Variants in PLAAT4 observed in about 807,000 individuals in gnomAD.
The protein encoded by PLAAT4 is phospholipase A and acyltransferase 4, also known as HRAS-like suppressor 4.
Under a neutral mutation model 14.1 loss-of-function variants are expected in PLAAT4, and 12 were observed. That is an observed-to-expected ratio of 0.85 (90% CI 0.54 to 1.37). The LOEUF (loss-of-function observed/expected upper bound fraction) is 1.37. Ranked by LOEUF, PLAAT4 falls within the 40% of genes most tolerant of loss-of-function variation. The pLI is 0.00. For missense variants in PLAAT4, 163 were observed against 211.7 expected (o/e 0.77, Z 1.43); for synonymous variants, 77 against 79.8 (o/e 0.96, Z 0.19).
chr11:63,541,900 C>CA (rs1435576192), intron 2 of PLAAT4, among the ~76,000 whole-genome samples: 2 of 151,988 alleles, frequency 1.3e-5, no homozygotes, highest in Non-Finnish European at 2.9e-5. Flanking sequence ...TCATAAATTA[C>CA]AAAAAACACA....
At chr11:63,544,514 A>T in intron 2 of PLAAT4, 107 bp from the exon 3 acceptor site, 1 of 1,351,630 alleles carries the variant, frequency 7.4e-7, no homozygotes, top group Non-Finnish European at 1.0e-6. Flanking sequence ...TGAATCCTTC[A>T]ATCACATTTG....
chr11:63,539,542 C>A lies in PLAAT4; in HGVS notation c.36C>A (p.Asp12Glu), dbSNP rs1312123743. The A allele has an allele frequency of 6.2e-7, 1 of 1,614,080 alleles. No individual in the cohort carries two copies. The highest frequency in any genetic ancestry group is 8.5e-7 in the Non-Finnish European group (1 of 1,179,978). ...ASPHQEPKPG[D>E]LIEIFRLGYE... The stretch of plus-strand genomic sequence containing the variant: ...CACACCAAGAGCCCAAACCTGGAGA[C>A]CTGATTGAGATTTTCCGCCTTGGCT... The change falls in exon 2 of 4, where the codon GAC becomes GAA. Residue 12 changes from aspartate to glutamate, a missense_variant. Asp to Glu is a conservative substitution (Grantham distance 45, BLOSUM62 2). Transcript: ENST00000255688.
chr11:63,545,959 C>T (rs1211961449), intron 3 of PLAAT4, among the ~76,000 whole-genome samples, 190 bp from the exon 4 acceptor site: 3 of 152,080 alleles, frequency 2.0e-5, no homozygotes, highest in Non-Finnish European at 4.4e-5. Context: ...AATGGAGTCC[C>T]TGGGGATACA....
chr11:63,545,074 C>T, intron 3 of PLAAT4, 185 bp downstream of exon 3: 1 of 804,964 alleles, frequency 1.2e-6, no homozygotes, highest in South Asian at 1.6e-5. Flanking sequence ...TGGACAGTTC[C>T]CTTCCCCCCA....
At chr11:63,543,872 A>C in intron 2 of PLAAT4, among the ~76,000 whole-genome samples, 1 of 152,214 alleles carries the variant, frequency 6.6e-6, no homozygotes, top group East Asian at 1.9e-4. Context: ...AGCCCAGTGC[A>C]GTGGAAGGAG....
chr11:63,545,082 C>G (rs965865445), intron 3 of PLAAT4, 193 bp downstream of exon 3: 28 of 722,616 alleles, frequency 3.9e-5, no homozygotes, highest in Non-Finnish European at 6.3e-5. Context: ...TCCCTTCCCC[C>G]CAGGCCTCTC....
chr11:63,541,593 G>A (rs1422531426), intron 2 of PLAAT4, among the ~76,000 whole-genome samples: 1 of 140,390 alleles, frequency 7.1e-6, no homozygotes, highest in Non-Finnish European at 1.5e-5. Flanking sequence ...GTACAGTGAT[G>A]TGATTACAGC....
intron 2 of PLAAT4, 99 bp from the exon 3 acceptor site, chr11:63,544,522 T>G: frequency 7.2e-7 from 1 of 1,385,932 alleles, no homozygotes; most frequent in Non-Finnish European, 9.8e-7. Context: ...TCAATCACAT[T>G]TGTGAAAGGA....
chr11:63,546,102 C>G, intron 3 of PLAAT4, 47 bp from the exon 4 acceptor site: 1 of 1,523,432 alleles, frequency 6.6e-7, no homozygotes, highest in Non-Finnish European at 9.1e-7. Context: ...GAGAAAGTGC[C>G]AGCCTGGCTT....
intron 3 of PLAAT4, chr11:63,545,132 T>G: frequency 1.6e-6 from 1 of 610,812 alleles, no homozygotes; most frequent in East Asian, 2.7e-5. Context: ...GCTCTGAGGA[T>G]CCTTCCCCTC....
rs560650143 is a variant in PLAAT4 at position 63,537,233 on chromosome 11, G to A, written c.9+356G>A. Among the ~76,000 whole-genome samples the A allele has an allele frequency of 7.8e-4, 118 of 152,134 alleles. 1 individual carries two copies. Among genetic ancestry groups the A allele is most frequent in the African/African-American group, 2.7e-3 (112 of 41,416 alleles). On this transcript the variant is annotated intron_variant, in intron 1 of 3. Coordinates refer to ENST00000255688, the MANE Select transcript of PLAAT4 (RefSeq NM_004585.5). ...TGGGAAGCAAGCAAATCCCAACATC[G>A]TCTGCTTCTGCTGTGACTGGGGCTC...
intron 2 of PLAAT4, among the ~76,000 whole-genome samples, chr11:63,542,250 AT>A (rs1028147366): frequency 2.0e-5 from 3 of 152,078 alleles, no homozygotes; most frequent in African/African-American, 7.2e-5. Flanking sequence ...GGATGGGGTG[AT>A]TTTTTTTCTT....
Position 63,539,671 on chromosome 11 carries a change from T to C in PLAAT4, c.118+47T>C, listed in dbSNP as rs112809726. ...ATTTTCAAAATATTTGTTAAAAGGATAATGAGAGGGCCGGGCACGGTGGCT... is the reference window on the plus strand; with the variant it reads ...ATTTTCAAAATATTTGTTAAAAGGACAATGAGAGGGCCGGGCACGGTGGCT... On this transcript the variant is annotated intron_variant, in intron 2 of 3. Transcript: ENST00000255688. The C allele has an allele frequency of 1.6e-3, 2,385 of 1,465,558 alleles. 34 individuals carry two copies. In the African/African-American group the frequency reaches 0.03, roughly 18 times the overall value. 90.8% of individuals were successfully genotyped at this position (1,465,558 alleles called of 1,614,324 possible).
intron 2 of PLAAT4, among the ~76,000 whole-genome samples, chr11:63,541,489 C>G (rs777116434): frequency 4.0e-5 from 6 of 150,990 alleles, no homozygotes; most frequent in African/African-American, 1.5e-4. Context: ...CGCGCTCAGC[C>G]GTAAAGAGGC....
At position 63,546,290 on chromosome 11, in the gene PLAAT4, TG is replaced by T; in HGVS notation, c.*39del. On this transcript the variant is annotated 3_prime_UTR_variant, in exon 4 of 4. Transcript: ENST00000255688. ...CAAAATCCTGTGTTAGAAGCAGCTG[TG>T]GGGGTCCCAGTGGAGATGAGCCTCC... is the stretch of plus-strand genomic sequence containing the variant. The T allele has an allele frequency of 6.2e-7, 1 of 1,600,562 alleles. No individual in the cohort carries two copies. Among genetic ancestry groups the T allele is most frequent in the Non-Finnish European group, 8.6e-7 (1 of 1,167,692 alleles).
chr11:63,543,564 C>G (rs1369832151), intron 2 of PLAAT4, among the ~76,000 whole-genome samples: 1 of 152,240 alleles, frequency 6.6e-6, no homozygotes, highest in Non-Finnish European at 1.5e-5. Context: ...TTAGGCCTCC[C>G]AAAGTGCTGG....
At chr11:63,543,292 G>A (rs2134358834) in intron 2 of PLAAT4, among the ~76,000 whole-genome samples, 1 of 152,346 alleles carries the variant, frequency 6.6e-6, no homozygotes. Flanking sequence ...TCCGCCTCTT[G>A]TCAGATCAGT....
Position 63,546,186 on chromosome 11 carries a change from C to T in PLAAT4, c.425C>T (p.Ala142Val), listed in dbSNP as rs200999428. The T allele has an allele frequency of 7.1e-5, 115 of 1,613,272 alleles. No individual in the cohort carries two copies. The highest frequency in any genetic ancestry group is 8.9e-5 in the Non-Finnish European group (105 of 1,179,720). Residue 142 changes from alanine to valine, a missense_variant, in exon 4 of 4, where the codon GCG becomes GTG. Physicochemically the swap from Ala to Val is moderately conservative, Grantham distance 64. Coordinates refer to ENST00000255688, the MANE Select transcript of PLAAT4 (RefSeq NM_004585.5). Reference sequence around the variant, plus strand: ...AAGGTTGAAGTCGGTGTGGCCACGGCGCTTGGAATCCTGGTTGTTGCTGGA... The same window carrying T: ...AAGGTTGAAGTCGGTGTGGCCACGGTGCTTGGAATCCTGGTTGTTGCTGGA... The part of the protein sequence containing the change: ...KAKVEVGVAT[A>V]LGILVVAGCS...
intron 3 of PLAAT4, among the ~76,000 whole-genome samples, chr11:63,545,907 G>T (rs2017361075): frequency 1.3e-5 from 2 of 152,156 alleles, no homozygotes; most frequent in African/African-American, 4.8e-5. Context: ...CTCAGGACAA[G>T]CCCAGACAAG....
Sources: gnomAD v4.1 joint callset for allele counts (sites outside exome capture counted in the v4.1 genomes callset) on GRCh38, gnomAD v4.1.1 for gene constraint, MANE v1.5 for transcripts, NCBI Gene and HGNC (gene_info 2026-07-23, HGNC 2026-07-21) for gene names.